FBXO16: variants seen among roughly 807,000 people sequenced by gnomAD.
FBXO16 encodes the protein F-box protein 16.
FBXO16 carries 31 observed loss-of-function variants against 41.0 expected under a neutral mutation model. The observed-to-expected ratio is 0.76, with a 90% CI of 0.57 to 1.02. FBXO16 has a LOEUF of 1.02. Ranked by LOEUF, FBXO16 falls within the 50% of genes least tolerant of loss-of-function variation. The pLI, the probability that FBXO16 is intolerant of heterozygous loss-of-function variation, is 0.00. For synonymous variants in FBXO16, 133 were observed against 117.8 expected, an observed-to-expected ratio of 1.13 and a Z score of -0.84; for missense variants, 361 against 346.2, an observed-to-expected ratio of 1.04 and a Z score of -0.34.
intron 2 of FBXO16, among the ~76,000 whole-genome samples, chr8:28,475,807 TAAC>T (rs1262978462): frequency 1.3e-5 from 2 of 152,188 alleles, no homozygotes; most frequent in Non-Finnish European, 2.9e-5. Context: ...GCTGATTGAC[TAAC>T]AACAACAAGA....
intron 4 of FBXO16, among the ~76,000 whole-genome samples, chr8:28,461,801 T>C (rs976291687): frequency 3.3e-5 from 5 of 152,196 alleles, no homozygotes; most frequent in African/African-American, 1.2e-4. Flanking sequence ...GACTTCTGGG[T>C]ATCATGGAAT....
chr8:28,437,667 A>G (rs1159249223), intron 7 of FBXO16, among the ~76,000 whole-genome samples: 1 of 152,156 alleles, frequency 6.6e-6, no homozygotes, highest in Non-Finnish European at 1.5e-5. Flanking sequence ...GAGGCCAGGA[A>G]TTCAAGAACA....
intron 7 of FBXO16, among the ~76,000 whole-genome samples, chr8:28,444,233 C>T (rs1802824512): frequency 6.6e-6 from 1 of 151,946 alleles, no homozygotes; most frequent in Non-Finnish European, 1.5e-5. Flanking sequence ...CCTCACTTTC[C>T]TTTGTTCCCC....
Position 28,444,645 on chromosome 8 carries a change from T to G in FBXO16, c.843+2526A>C, listed in dbSNP as rs80037204. Among the ~76,000 whole-genome samples, 1,472 of 147,796 alleles carry G rather than the reference T, an allele frequency of 1.0e-2. 20 individuals are homozygous for G. The highest frequency in any genetic ancestry group is 0.038 in the African/African-American group (1,421 of 37,740). ...AGCACCCGCCACTTCGCCGAGCTAA[T>G]TTTTTGTATTTTTTTTAGTAGAGAC... On this transcript the variant is annotated intron_variant, in intron 7 of 8. Transcript: ENST00000380254.
chr8:28,463,676 G>A lies in FBXO16; in HGVS notation c.278C>T (p.Pro93Leu). The A allele has an allele frequency of 1.2e-6, 2 of 1,614,200 alleles. No individual in the cohort carries two copies. Among genetic ancestry groups the A allele is most frequent in the Non-Finnish European group, 1.7e-6 (2 of 1,180,038 alleles). Residue 93 changes from proline to leucine, a missense_variant, in exon 4 of 9, where the codon CCA (proline) becomes CTA (leucine). Physicochemically the swap from Pro to Leu is moderately conservative, Grantham distance 98. Transcript: ENST00000380254. ...AAAGATGTATAAAGATAACACCCTT[G>A]GAAGCTTGGTTGTAAAGTCCAGGGC... ...AEALDFTTKL[P>L]RVLSLYIFSF...
intron 7 of FBXO16, among the ~76,000 whole-genome samples, chr8:28,445,679 T>C (rs897356107): frequency 3.9e-5 from 6 of 152,310 alleles, no homozygotes; most frequent in African/African-American, 1.4e-4. Context: ...GTAAGCCTCA[T>C]CCAGTCCAAC....
intron 3 of FBXO16, among the ~76,000 whole-genome samples, chr8:28,464,835 G>A (rs1803207806): frequency 6.6e-6 from 1 of 152,080 alleles, no homozygotes; most frequent in African/African-American, 2.4e-5. Flanking sequence ...AGTATTTTTA[G>A]TAGAGACAGG....
intron 5 of FBXO16, among the ~76,000 whole-genome samples, chr8:28,454,653 G>A (rs1239105680): frequency 2.0e-5 from 3 of 149,636 alleles, no homozygotes; most frequent in Non-Finnish European, 3.0e-5. Context: ...GCGTGAGCCC[G>A]GGAGGCGGAG....
chr8:28,487,521 G>A (rs1188478128), intron 1 of FBXO16, among the ~76,000 whole-genome samples: 2 of 148,856 alleles, frequency 1.3e-5, no homozygotes, highest in African/African-American at 2.4e-5. Flanking sequence ...AGGCTCCCGA[G>A]TAGCTGGGAT....
intron 6 of FBXO16, among the ~76,000 whole-genome samples, chr8:28,448,340 C>CAAA (rs56323338): frequency 6.8e-4 from 34 of 49,898 alleles, no homozygotes; most frequent in Admixed American, 1.0e-3. Flanking sequence ...GACCCTAAAT[C>CAAA]AAAAAAAAAA....
At chr8:28,469,395 G>C (rs1216295908) in intron 3 of FBXO16, among the ~76,000 whole-genome samples, 1 of 152,092 alleles carries the variant, frequency 6.6e-6, no homozygotes, top group Non-Finnish European at 1.5e-5. Flanking sequence ...TCACAGGCAT[G>C]ATCATCGTGC....
rs181515075 is a variant in FBXO16, at chr8:28,485,814, A to G, written c.-16-2352T>C. 1.4e-3 allele frequency among the ~76,000 whole-genome samples: 219 copies of G among 152,334 alleles called. 1 individual carries two copies. The highest frequency in any genetic ancestry group is 5.1e-3 in the African/African-American group (214 of 41,580). Reference sequence around the variant, plus strand: ...TGATAAAAGTACATGTGAGCAGGCAAGTTATAGATACAGGCCGGCATGGTG... The same window carrying G: ...TGATAAAAGTACATGTGAGCAGGCAGGTTATAGATACAGGCCGGCATGGTG... On this transcript the variant is annotated intron_variant, in intron 1 of 8. Coordinates refer to ENST00000380254, the MANE Select transcript of FBXO16 (RefSeq NM_172366.4).
At chr8:28,484,132 C>A (rs1408738515) in intron 1 of FBXO16, among the ~76,000 whole-genome samples, 1 of 152,142 alleles carries the variant, frequency 6.6e-6, no homozygotes, top group Non-Finnish European at 1.5e-5. Flanking sequence ...GGGGGGAAAT[C>A]CAGAATCACT....
chr8:28,463,209 T>C (rs1010776699), intron 4 of FBXO16, among the ~76,000 whole-genome samples: 2 of 149,368 alleles, frequency 1.3e-5, no homozygotes. Context: ...TATGTGTTTG[T>C]GTGTTTATGT....
intron 3 of FBXO16, among the ~76,000 whole-genome samples, chr8:28,464,567 C>A (rs1803200732): frequency 6.6e-6 from 1 of 152,172 alleles, no homozygotes; most frequent in Non-Finnish European, 1.5e-5. Flanking sequence ...TTCCCTGGCC[C>A]ATTGGGGAAG....
At chr8:28,478,821 CAAAAAAAAAA>C (rs35959759) in intron 2 of FBXO16, among the ~76,000 whole-genome samples, 1 of 117,818 alleles carries the variant, frequency 8.5e-6, no homozygotes, top group African/African-American at 3.3e-5. Context: ...ATTCTGTCTC[CAAAAAAAAAA>C]AAAAAAAAAA....
At position 28,428,584 on chromosome 8, in the gene FBXO16, C is replaced by T; in HGVS notation, c.*143G>A. 6.4e-7 allele frequency: 1 copy of T among 1,550,804 alleles called. No homozygotes were observed. Among genetic ancestry groups the T allele is most frequent in the Non-Finnish European group, 8.7e-7 (1 of 1,146,920 alleles). On this transcript the variant is annotated 3_prime_UTR_variant, in exon 9 of 9. Transcript: ENST00000380254. Reference sequence around the variant, plus strand: ...GTTCAGTCCACTTTGGCTCTGGAACCTGGATGAGTCATGCTTGGGGCCCAG... The same window carrying T: ...GTTCAGTCCACTTTGGCTCTGGAACTTGGATGAGTCATGCTTGGGGCCCAG...
At chr8:28,451,380 GTT>G (rs67171132) in intron 6 of FBXO16, among the ~76,000 whole-genome samples, 101 of 138,710 alleles carry the variant, frequency 7.3e-4, no homozygotes, top group Middle Eastern at 7.3e-3. Context: ...CTTTGTTGTT[GTT>G]TTTTTTTTTT....
At chr8:28,448,065 C>T (rs1425268865) in intron 6 of FBXO16, among the ~76,000 whole-genome samples, 1 of 152,094 alleles carries the variant, frequency 6.6e-6, no homozygotes, top group Non-Finnish European at 1.5e-5. Context: ...GTGAGCTGGG[C>T]ACGGTGACTC....
Sources: allele counts gnomAD v4.1 joint callset (sites outside exome capture counted in the v4.1 genomes callset), GRCh38; gene constraint gnomAD v4.1.1; transcripts MANE v1.5; gene names NCBI Gene and HGNC (gene_info 2026-07-23, HGNC 2026-07-21).